The following DECR2 variants were observed in gnomAD, a reference collection of about 807,000 sequenced individuals.
DECR2 encodes the protein 2,4-dienoyl-CoA reductase 2.
Under a neutral mutation model 29.2 loss-of-function variants are expected in DECR2, and 34 were observed. The observed-to-expected ratio is 1.16, with a 90% CI of 0.89 to 1.55. DECR2 has a LOEUF of 1.55. Ranked by LOEUF, DECR2 falls within the 40% of genes most tolerant of loss-of-function variation. The probability of loss-of-function intolerance (pLI) is 0.00; values close to 1 mark genes in which losing one functional copy is unlikely to be tolerated. For synonymous variants in DECR2, 224 were observed against 182.7 expected, an observed-to-expected ratio of 1.23 and a Z score of -1.82; for missense variants, 485 against 425.3, an observed-to-expected ratio of 1.14 and a Z score of -1.23.
At chr16:409,060 G>C (rs1460028980) in intron 4 of DECR2, among the ~76,000 whole-genome samples, 1 of 152,124 alleles carries the variant, frequency 6.6e-6, no homozygotes, top group African/African-American at 2.4e-5. Context: ...TCGAACTCTT[G>C]ATCTCAGGTG....
In DECR2 at chr16:403,475, C is replaced by G. The variant is rs1042604414; in HGVS notation, c.80+1432C>G. On this transcript the variant is annotated intron_variant, in intron 1 of 8. Coordinates refer to ENST00000219481, the MANE Select transcript of DECR2 (RefSeq NM_020664.4). ...AATAAATAAAAAAGCCATATTATCC[C>G]GACGTAGCTTGCTGAATCTCAGGTA... Among the ~76,000 whole-genome samples the G allele has an allele frequency of 1.3e-5, 2 of 152,142 alleles. 1 individual carries two copies. Among genetic ancestry groups the G allele is most frequent in the South Asian group, 4.1e-4 (2 of 4,822 alleles).
At chr16:405,897 C>T (rs184470101) in intron 2 of DECR2, among the ~76,000 whole-genome samples, 3 of 152,320 alleles carry the variant, frequency 2.0e-5, no homozygotes, top group Admixed American at 6.5e-5. Flanking sequence ...GAAATCCTAG[C>T]GGCATTCCTG....
At chr16:411,746 G>T in intron 8 of DECR2, 144 bp from the exon 9 acceptor site, 1 of 682,712 alleles carries the variant, frequency 1.5e-6, no homozygotes, top group Non-Finnish European at 2.3e-6. Context: ...GGCTGAGCAG[G>T]AGGCGGGCGC....
chr16:408,058 T>C (rs191296128), intron 4 of DECR2, among the ~76,000 whole-genome samples: 2,578 of 4,768 alleles, frequency 0.54, 1,112 homozygotes, highest in South Asian at 0.71. Flanking sequence ...TCTCCGGCCC[T>C]CTGTCTCCGG....
chr16:404,891 G>C (rs117745544), intron 1 of DECR2, 65 bp from the exon 2 acceptor site: 6 of 1,573,542 alleles, frequency 3.8e-6, no homozygotes, highest in Middle Eastern at 1.7e-4. Flanking sequence ...GCCTTCCAAA[G>C]TGCTGGGAGC....
At chr16:406,531 T>A in intron 3 of DECR2, 134 bp downstream of exon 3, 1 of 838,064 alleles carries the variant, frequency 1.2e-6, no homozygotes, top group Admixed American at 2.4e-5. Context: ...GGAGTCTCGC[T>A]CTGTCACCCA....
chr16:403,031 TTC>T, intron 1 of DECR2: 1 of 985,126 alleles, frequency 1.0e-6, no homozygotes, highest in African/African-American at 1.7e-5. Context: ...GTATTGACAA[TTC>T]TCTCTGAGTG....
At position 410,332 on chromosome 16, in the gene DECR2, A is replaced by G; in HGVS notation, c.427A>G (p.Asn143Asp). The G allele has an allele frequency of 2.5e-6, 4 of 1,611,618 alleles. No homozygotes were observed. The highest frequency in any genetic ancestry group is 3.4e-6 in the Non-Finnish European group (4 of 1,179,278). Residue 143 changes from asparagine to aspartate, a missense_variant, in exon 5 of 9, where the codon AAT (asparagine) becomes GAT (aspartate). By Grantham distance (23) the Asn-to-Asp change is conservative. Coordinates refer to ENST00000219481, the MANE Select transcript of DECR2 (RefSeq NM_020664.4). The surrounding 1 kb of genome is among the most constrained non-coding windows in gnomAD (Gnocchi z 4.1). ...VMDIDTSGTF[N>D]VSRVLYEKFF... ...GGACATCGATACCAGCGGCACCTTC[A>G]ATGTGTCTCGTGTGCTCTATGAGAA... is the stretch of plus-strand genomic sequence containing the variant.
rs1373264704 is a variant in DECR2 at position 410,629 on chromosome 16, C to G, written c.463-62C>G. 26 of 1,490,026 alleles carry G rather than the reference C, an allele frequency of 1.7e-5. No individual in the cohort carries two copies. The highest frequency in any genetic ancestry group is 2.8e-5 in the African/African-American group (2 of 72,324). The allele number at this position is 1,490,026 out of a possible 1,614,324, so 92.3% of individuals were successfully genotyped here. On this transcript the variant is annotated intron_variant, in intron 5 of 8. Transcript: ENST00000219481. This position sits in a 1 kb window ranked among gnomAD's most constrained non-coding sequence, Gnocchi z 4.1. The stretch of plus-strand genomic sequence containing the variant: ...GGCCTCCCCCTGACAGCCACCCGCT[C>G]ACTGTCCTGTGACCTCCCCCGACAC...
rs748233278 is a variant in DECR2, at chr16:411,093, G to A, written c.661+17G>A. On this transcript the variant is annotated intron_variant, in intron 7 of 8. Transcript: ENST00000219481. ...GGCGACTGGGTAAGGCTCTCAGGGA[G>A]CCCAGGCCTCCCACAGATCCTCTCC... is the stretch of plus-strand genomic sequence containing the variant. 2.5e-5 allele frequency: 37 copies of A among 1,490,054 alleles called. No homozygotes were observed. Among genetic ancestry groups the A allele is most frequent in the Non-Finnish European group, 3.2e-5 (36 of 1,122,916 alleles). 92.3% of individuals were successfully genotyped at this position (1,490,054 alleles called of 1,614,324 possible). A position where few individuals can be genotyped will look rare whatever the true frequency, so the allele number is the denominator to read the frequency against.
chr16:410,914 C>T lies in DECR2; in HGVS notation c.557-58C>T, dbSNP rs765660955. 3.3e-4 allele frequency: 505 copies of T among 1,543,062 alleles called. No individual in the cohort carries two copies. The highest frequency in any genetic ancestry group is 4.2e-4 in the Non-Finnish European group (476 of 1,141,502). ...TGCAGGCAGCGAGACCTGGCCTTGG[C>T]CCTGCGCCCTCGCAGAGGGCAGAGC... On this transcript the variant is annotated intron_variant, in intron 6 of 8. Coordinates refer to ENST00000219481, the MANE Select transcript of DECR2 (RefSeq NM_020664.4). This position sits in a 1 kb window ranked among gnomAD's most constrained non-coding sequence, Gnocchi z 4.1.
chr16:409,875 CGTGTGTCT>C (rs2054789684), intron 4 of DECR2: 1 of 220,580 alleles, frequency 4.5e-6, no homozygotes, highest in Non-Finnish European at 9.2e-6. Context: ...CTTCCCGTGG[CGTGTGTCT>C]GTGTGTCCTC....
chr16:403,081 A>G (rs1159408424), intron 1 of DECR2: 2 of 968,120 alleles, frequency 2.1e-6, no homozygotes, highest in Non-Finnish European at 2.5e-6. Context: ...TTCGAAACGG[A>G]GTCTCATTCT....
At position 410,502 on chromosome 16, in the gene DECR2, C is replaced by G; in HGVS notation, c.462+135C>G. On this transcript the variant is annotated intron_variant, in intron 5 of 8. Transcript: ENST00000219481. This position sits in a 1 kb window ranked among gnomAD's most constrained non-coding sequence, Gnocchi z 4.1. ...GGGTGGGTGTACTCCCAGCGGGGGC[C>G]TCCCCCTGACGGCCGCCCGCTCCCT... 6.5e-7 allele frequency: 1 copy of G among 1,536,138 alleles called. No individual in the cohort carries two copies. Among genetic ancestry groups the G allele is most frequent in the Non-Finnish European group, 8.8e-7 (1 of 1,133,938 alleles).
intron 4 of DECR2, among the ~76,000 whole-genome samples, chr16:408,569 G>A (rs1312527375): frequency 1.3e-5 from 2 of 149,620 alleles, no homozygotes; most frequent in Admixed American, 6.7e-5. Context: ...CCAGGCTGGT[G>A]TGATCATGGC....
At chr16:404,034 G>C (rs547805343) in intron 1 of DECR2, among the ~76,000 whole-genome samples, 1 of 151,578 alleles carries the variant, frequency 6.6e-6, no homozygotes, top group Non-Finnish European at 1.5e-5. Flanking sequence ...TTAGCTGGGC[G>C]TGGTGGCAGG....
chr16:405,416 C>T, intron 2 of DECR2: 1 of 787,456 alleles, frequency 1.3e-6, no homozygotes, highest in South Asian at 1.8e-5. Flanking sequence ...GGGAAAGGGA[C>T]CCTTCCTCAG....
intron 4 of DECR2, among the ~76,000 whole-genome samples, chr16:408,100 C>T (rs553299687): frequency 0.019 from 129 of 6,920 alleles, 56 homozygotes; most frequent in African/African-American, 0.054. Context: ...TCTCCAGCCC[C>T]CTGTCTCCGG....
Position 407,451 on chromosome 16 carries a change from C to T in DECR2, c.228C>T (p.Thr76=), listed in dbSNP as rs375228585. ...LTAARKLAGA[T]GRRCLPLSMD... ...CCGCCAGGAAGCTGGCTGGGGCCAC[C>T]GGCCGGCGCTGCCTCCCTCTCTCTA... Residue 76 remains threonine (T), a synonymous_variant, in exon 4 of 9, where the codon ACC becomes ACT. Coordinates refer to ENST00000219481, the MANE Select transcript of DECR2 (RefSeq NM_020664.4). The T allele has an allele frequency of 1.0e-4, 165 of 1,610,634 alleles. No homozygotes were observed. The highest frequency in any genetic ancestry group is 6.1e-5 in the Non-Finnish European group (72 of 1,179,038).
Sources: allele counts gnomAD v4.1 joint callset (sites outside exome capture counted in the v4.1 genomes callset), GRCh38; gene constraint gnomAD v4.1.1; non-coding constraint Gnocchi (gnomAD v3.1); transcripts MANE v1.5; gene names NCBI Gene and HGNC (gene_info 2026-07-23, HGNC 2026-07-21).